Variants in TMEM200A observed in about 807,000 individuals in gnomAD.
TMEM200A encodes the protein two transmembrane C.
Under a neutral mutation model 24.3 loss-of-function variants are expected in TMEM200A, and 12 were observed. The observed-to-expected ratio is 0.49, with a 90% CI of 0.32 to 0.80. The LOEUF (loss-of-function observed/expected upper bound fraction) is 0.80, where lower values mean the gene tolerates loss of function less well. TMEM200A is among the 30% of genes least tolerant of loss of function. The pLI is 0.04. For missense variants in TMEM200A, 545 were observed against 614.4 expected (o/e 0.89, Z 1.19); for synonymous variants, 224 against 224.4 (o/e 1.00, Z 0.02).
intron 1 of TMEM200A, among the ~76,000 whole-genome samples, chr6:130,376,880 T>C (rs1005610260): frequency 1.3e-5 from 2 of 152,234 alleles, no homozygotes; most frequent in Non-Finnish European, 2.9e-5. Context: ...AATTCCTTAT[T>C]TATTTTGTGA....
At chr6:130,414,050 CTT>C (rs1383732632) in intron 2 of TMEM200A, among the ~76,000 whole-genome samples, 14 of 152,094 alleles carry the variant, frequency 9.2e-5, no homozygotes, top group African/African-American at 3.4e-4. Flanking sequence ...AATTGTTAAA[CTT>C]AATTTACTAT....
At chr6:130,419,889 G>A (rs573775616) in intron 2 of TMEM200A, among the ~76,000 whole-genome samples, 1 of 152,334 alleles carries the variant, frequency 6.6e-6, no homozygotes, top group East Asian at 1.9e-4. Context: ...AAGGCCAGCA[G>A]TTTCAGTGTC....
chr6:130,417,843 C>T (rs1180554320), intron 2 of TMEM200A, among the ~76,000 whole-genome samples: 1 of 150,984 alleles, frequency 6.6e-6, no homozygotes, highest in Admixed American at 6.6e-5. Context: ...CATAATCAAA[C>T]AAGTCAAATA....
At chr6:130,392,299 C>T (rs1170599393) in intron 2 of TMEM200A, among the ~76,000 whole-genome samples, 5 of 152,208 alleles carry the variant, frequency 3.3e-5, no homozygotes, top group African/African-American at 4.8e-5. Flanking sequence ...GTTATTATCT[C>T]AAAACAAGCT....
At chr6:130,424,636 A>G (rs1011554632) in intron 2 of TMEM200A, among the ~76,000 whole-genome samples, 1 of 152,158 alleles carries the variant, frequency 6.6e-6, no homozygotes, top group Non-Finnish European at 1.5e-5. Flanking sequence ...TTCAATTTGA[A>G]TGAGTCCTGA....
chr6:130,366,245 C>A lies in TMEM200A; in HGVS notation c.-360C>A. On this transcript the variant is annotated 5_prime_UTR_variant, in exon 1 of 3. Coordinates refer to ENST00000296978, the MANE Select transcript of TMEM200A (RefSeq NM_001258277.2). The surrounding 1 kb of genome is among the most constrained non-coding windows in gnomAD (Gnocchi z 4.4). ...TGCCCCGAGGCCTCCGGTGCCCCCC[C>A]GGCGCGGGCATAGGGGCGCCCCCAC... The A allele has an allele frequency of 1.0e-6, 1 of 985,404 alleles. No homozygotes were observed. Among genetic ancestry groups the A allele is most frequent in the Non-Finnish European group, 1.2e-6 (1 of 829,958 alleles). The allele number at this position is 985,404 out of a possible 1,614,324, so 61.0% of individuals were successfully genotyped here.
chr6:130,393,664 A>G (rs1778887545), intron 2 of TMEM200A, among the ~76,000 whole-genome samples: 1 of 152,202 alleles, frequency 6.6e-6, no homozygotes, highest in Non-Finnish European at 1.5e-5. Flanking sequence ...GCTAAAAACA[A>G]TAGTCTGAAG....
At chr6:130,418,987 T>C (rs1220133163) in intron 2 of TMEM200A, among the ~76,000 whole-genome samples, 1 of 152,176 alleles carries the variant, frequency 6.6e-6, no homozygotes, top group African/African-American at 2.4e-5. Flanking sequence ...GCTGCCCTAC[T>C]CTGCTATTGA....
At chr6:130,398,042 A>C (rs1473091801) in intron 2 of TMEM200A, among the ~76,000 whole-genome samples, 1 of 151,830 alleles carries the variant, frequency 6.6e-6, no homozygotes, top group Non-Finnish European at 1.5e-5. Flanking sequence ...CCATGTTGCT[A>C]AGGTTTGGTG....
chr6:130,406,584 C>A (rs999749079), intron 2 of TMEM200A, among the ~76,000 whole-genome samples: 1 of 152,046 alleles, frequency 6.6e-6, no homozygotes, highest in South Asian at 2.1e-4. Context: ...TTCTCTTATC[C>A]GGTTCCCATT....
At chr6:130,385,855 C>T (rs1348172277) in intron 2 of TMEM200A, among the ~76,000 whole-genome samples, 3 of 152,068 alleles carry the variant, frequency 2.0e-5, no homozygotes, top group Non-Finnish European at 2.9e-5. Flanking sequence ...ACCTTTTGCC[C>T]TTTGGCAAAA....
intron 1 of TMEM200A, among the ~76,000 whole-genome samples, chr6:130,381,109 T>C (rs1778585798): frequency 6.6e-6 from 1 of 152,236 alleles, no homozygotes; most frequent in South Asian, 2.1e-4. Context: ...AAGTGAAAAC[T>C]CTCCTAGACT....
At chr6:130,405,035 A>G (rs932469130) in intron 2 of TMEM200A, among the ~76,000 whole-genome samples, 4 of 152,160 alleles carry the variant, frequency 2.6e-5, no homozygotes, top group African/African-American at 9.7e-5. Flanking sequence ...TGGTACCAGT[A>G]CCATGCTGTT....
At chr6:130,420,061 C>G (rs1779546534) in intron 2 of TMEM200A, among the ~76,000 whole-genome samples, 1 of 152,160 alleles carries the variant, frequency 6.6e-6, no homozygotes, top group African/African-American at 2.4e-5. Flanking sequence ...ATGATCTAAT[C>G]ACCTCCTAAA....
At chr6:130,368,729 C>T (rs753701042) in intron 1 of TMEM200A, among the ~76,000 whole-genome samples, 30 of 152,112 alleles carry the variant, frequency 2.0e-4, no homozygotes, top group South Asian at 8.3e-4. Flanking sequence ...CCACAGATCA[C>T]CTGGCAGCTG....
chr6:130,390,739 A>ATATTAG (rs1778814624), intron 2 of TMEM200A, among the ~76,000 whole-genome samples: 1 of 152,346 alleles, frequency 6.6e-6, no homozygotes, highest in East Asian at 1.9e-4. Context: ...AGATATTGAC[A>ATATTAG]TATTAGCTTG....
chr6:130,399,366 T>C (rs1412805137), intron 2 of TMEM200A, among the ~76,000 whole-genome samples: 1 of 152,010 alleles, frequency 6.6e-6, no homozygotes, highest in Non-Finnish European at 1.5e-5. Context: ...CTGTTTCCCA[T>C]CCTTTCTACT....
intron 2 of TMEM200A, among the ~76,000 whole-genome samples, chr6:130,390,056 T>C (rs187587898): frequency 8.5e-4 from 130 of 152,342 alleles, no homozygotes; most frequent in African/African-American, 2.9e-3. Flanking sequence ...AGATGTTCTG[T>C]TTAACCATGA....
Position 130,442,740 on chromosome 6 carries a change from G to A in TMEM200A, c.*842G>A, listed in dbSNP as rs1398852090. On this transcript the variant is annotated 3_prime_UTR_variant, in exon 3 of 3. Transcript: ENST00000296978. ...TAAGATACATTATATACTAGTTAAT[G>A]CTAACTAGTCTCAGTACCTGTTTTT... 3 of 166,924 alleles carry A rather than the reference G, an allele frequency of 1.8e-5. No individual in the cohort carries two copies. Among genetic ancestry groups the A allele is most frequent in the Non-Finnish European group, 4.4e-5 (3 of 68,090 alleles). The allele number at this position is 166,924 out of a possible 1,614,324, so 10.3% of individuals were successfully genotyped here.
Sources: allele counts gnomAD v4.1 joint callset (sites outside exome capture counted in the v4.1 genomes callset), GRCh38; gene constraint gnomAD v4.1.1; non-coding constraint Gnocchi (gnomAD v3.1); transcripts MANE v1.5; gene names NCBI Gene and HGNC (gene_info 2026-07-23, HGNC 2026-07-21).